Variants in CPA3 observed in about 807,000 individuals in gnomAD.
The protein encoded by CPA3 is mast cell carboxypeptidase A.
CPA3 carries 52 observed loss-of-function variants against 55.8 expected under a neutral mutation model. The observed-to-expected ratio is 0.93, with a 90% confidence interval of 0.75 to 1.17. CPA3 has a LOEUF of 1.17. Ranked by LOEUF, CPA3 falls within the 50% of genes most tolerant of loss-of-function variation. The pLI is 0.00. For missense variants in CPA3, 547 were observed against 509.1 expected (o/e 1.07, Z -0.72); for synonymous variants, 179 against 171.2 (o/e 1.05, Z -0.36).
chr3:148,887,492 C>T (rs1009806780), intron 10 of CPA3, among the ~76,000 whole-genome samples: 1 of 152,082 alleles, frequency 6.6e-6, no homozygotes, highest in African/African-American at 2.4e-5. Context: ...CAAACAAAAG[C>T]CCTGATCCTG....
At chr3:148,882,012 TAA>T (rs1395140458) in intron 7 of CPA3, among the ~76,000 whole-genome samples, 3 of 152,134 alleles carry the variant, frequency 2.0e-5, no homozygotes, top group East Asian at 1.9e-4. Context: ...TCAAAAAAAA[TAA>T]AAGAGAGGTA....
At chr3:148,879,139 A>G (rs575330589) in intron 5 of CPA3, among the ~76,000 whole-genome samples, 12 of 152,354 alleles carry the variant, frequency 7.9e-5, no homozygotes, top group African/African-American at 2.6e-4. Flanking sequence ...TAGGCATTTC[A>G]ACCATGGATT....
At position 148,882,575 on chromosome 3, in the gene CPA3, A is replaced by AT; in HGVS notation, c.762dup (p.Asn255Ter). The AT allele has an allele frequency of 6.2e-7, 1 of 1,613,680 alleles. No individual in the cohort carries two copies. Among genetic ancestry groups the AT allele is most frequent in the African/African-American group, 1.3e-5 (1 of 75,044 alleles). On this transcript the variant is annotated frameshift_variant, in exon 8 of 11. Coordinates refer to ENST00000296046, the MANE Select transcript of CPA3 (RefSeq NM_001870.4). LOFTEE classifies it high-confidence loss of function. ...TGCATCGGCACTGACCTCAACAGGA[A>AT]TTTTAATGCTTCATGGAACTGTGAG...
At chr3:148,876,072 T>C (rs1228845302) in intron 3 of CPA3, among the ~76,000 whole-genome samples, 1 of 151,910 alleles carries the variant, frequency 6.6e-6, no homozygotes, top group Non-Finnish European at 1.5e-5. Context: ...ATAACTAAAA[T>C]TCTTAAAAGT....
chr3:148,890,640 A>G lies in CPA3; in HGVS notation c.1066+4463A>G, dbSNP rs76884706. ...TCTGGCTTCAGCTCTTGCTTCTAATATAATTTTCACTTAGTATTAATATAA... is the reference window on the plus strand; with the variant it reads ...TCTGGCTTCAGCTCTTGCTTCTAATGTAATTTTCACTTAGTATTAATATAA... On this transcript the variant is annotated intron_variant, in intron 10 of 10. Coordinates refer to ENST00000296046, the MANE Select transcript of CPA3 (RefSeq NM_001870.4). 4.4e-3 allele frequency among the ~76,000 whole-genome samples: 672 copies of G among 152,340 alleles called. 12 individuals carry two copies. Among genetic ancestry groups the G allele is most frequent in the African/African-American group, 0.016 (647 of 41,580 alleles).
At position 148,878,413 on chromosome 3, in the gene CPA3, T is replaced by C. The variant is rs201079313; in HGVS notation, c.270-28T>C. On this transcript the variant is annotated intron_variant, in intron 3 of 10. Transcript: ENST00000296046. ...TGTTTTCCTTTCTCATGATAAAACA[T>C]GTATTTTATCATTCCCCTGTCAAAC... The C allele has an allele frequency of 7.1e-6, 10 of 1,416,264 alleles. No individual in the cohort carries two copies. In the East Asian group the frequency reaches 2.3e-4, roughly 32 times the overall value. The allele number at this position is 1,416,264 out of a possible 1,614,324, so 87.7% of individuals were successfully genotyped here.
chr3:148,884,608 A>C (rs1714476010), intron 9 of CPA3, among the ~76,000 whole-genome samples: 1 of 152,200 alleles, frequency 6.6e-6, no homozygotes, highest in South Asian at 2.1e-4. Context: ...TACAATTTTC[A>C]TTCTGACCTC....
chr3:148,887,718 C>T (rs1215250353), intron 10 of CPA3, among the ~76,000 whole-genome samples: 2 of 152,212 alleles, frequency 1.3e-5, no homozygotes, highest in Admixed American at 1.3e-4. Context: ...AAACCAAGTT[C>T]AAGCTTCAGT....
intron 10 of CPA3, among the ~76,000 whole-genome samples, chr3:148,886,497 T>C (rs6784791): frequency 0.44 from 66,868 of 151,742 alleles, 16,855 homozygotes; most frequent in Non-Finnish European, 0.57. Flanking sequence ...CAATGTTGTA[T>C]CCTTCCAGGA....
chr3:148,881,738 C>A, intron 7 of CPA3, 106 bp downstream of exon 7: 2 of 500,396 alleles, frequency 4.0e-6, no homozygotes, highest in South Asian at 6.6e-5. Context: ...AATTCTAATT[C>A]AGAAAAGTAT....
rs1321346799 is a variant in CPA3, at chr3:148,865,580, T to G, written c.144+32T>G. The G allele has an allele frequency of 3.2e-6, 5 of 1,569,736 alleles. No individual in the cohort carries two copies. In the African/African-American group the frequency reaches 5.4e-5, roughly 17 times the overall value. On this transcript the variant is annotated intron_variant, in intron 2 of 10. Transcript: ENST00000296046. ...ATTTAGAGGGATATTTTATCTTTTC[T>G]TACTGTTCTCTAAAAGATGCTTCTT...
At chr3:148,889,459 G>T (rs895906036) in intron 10 of CPA3, among the ~76,000 whole-genome samples, 2 of 152,122 alleles carry the variant, frequency 1.3e-5, no homozygotes, top group East Asian at 1.9e-4. Flanking sequence ...ATATATGTTT[G>T]CTCTTTGAAC....
rs201282725 is a variant in CPA3 at position 148,883,829 on chromosome 3, A to T, written c.981+14A>T. The T allele has an allele frequency of 1.4e-5, 23 of 1,595,484 alleles. No homozygotes were observed. In the East Asian group the frequency reaches 5.1e-4, roughly 36 times the overall value. On this transcript the variant is annotated intron_variant, in intron 9 of 10. Coordinates refer to ENST00000296046, the MANE Select transcript of CPA3 (RefSeq NM_001870.4). ...CATGAGGACTTGGTACGTAGACAAA[A>T]GTTTGCACTTCATGCATCGACAATA...
intron 3 of CPA3, among the ~76,000 whole-genome samples, chr3:148,872,686 T>C (rs1318765107): frequency 6.6e-6 from 1 of 152,202 alleles, no homozygotes; most frequent in African/African-American, 2.4e-5. Context: ...CATTCATTTT[T>C]TTCTTCTGCT....
chr3:148,879,959 A>G, intron 6 of CPA3, 70 bp downstream of exon 6: 1 of 1,057,052 alleles, frequency 9.5e-7, no homozygotes, highest in Non-Finnish European at 1.5e-6. Flanking sequence ...AAGTGGCGAC[A>G]TCTTTCCAAA....
chr3:148,896,185 C>T (rs200891891), intron 10 of CPA3, among the ~76,000 whole-genome samples: 54 of 152,238 alleles, frequency 3.5e-4, no homozygotes, highest in African/African-American at 1.2e-3. Context: ...CGACCAGTGA[C>T]TCCTTAGCTG....
chr3:148,885,391 A>G (rs1032405081), intron 9 of CPA3, among the ~76,000 whole-genome samples: 1 of 147,970 alleles, frequency 6.8e-6, no homozygotes, highest in East Asian at 2.0e-4. Context: ...TATATAATCG[A>G]CTGCATATTT....
At chr3:148,873,311 G>C (rs1426328165) in intron 3 of CPA3, among the ~76,000 whole-genome samples, 1 of 151,126 alleles carries the variant, frequency 6.6e-6, no homozygotes, top group Admixed American at 6.6e-5. Context: ...CCATTTATAA[G>C]TCACCCTGAC....
chr3:148,865,313 G>T lies in CPA3; in HGVS notation c.6G>T (p.Arg2Ser). Residue 2 changes from arginine to serine, a missense_variant, in exon 1 of 11, where the codon AGG (arginine) becomes AGT (serine). Coordinates refer to ENST00000296046, the MANE Select transcript of CPA3 (RefSeq NM_001870.4). M[R>S]LILPVGLIAT... is the part of the protein sequence containing the mutation. ...AAGGCAGGCAAAGAAGAACCATGAG[G>T]CTCATCCTGCCTGTGGGTTTGATTG... 6.2e-7 allele frequency: 1 copy of T among 1,614,060 alleles called. No individual in the cohort carries two copies. The highest frequency in any genetic ancestry group is 8.5e-7 in the Non-Finnish European group (1 of 1,179,972).
Sources: gnomAD v4.1 joint callset for allele counts (sites outside exome capture counted in the v4.1 genomes callset) on GRCh38, gnomAD v4.1.1 for gene constraint, MANE v1.5 for transcripts, NCBI Gene and HGNC (gene_info 2026-07-23, HGNC 2026-07-21) for gene names.